Variants in WFIKKN2 observed in about 807,000 individuals in gnomAD.
WFIKKN2 encodes WAP, Kazal, immunoglobulin, Kunitz and NTR domain-containing protein 2.
A neutral mutation model predicts 39.2 loss-of-function variants in WFIKKN2; 25 were observed. The ratio of observed to expected loss-of-function variants is 0.64; its 90% CI spans 0.47 to 0.89. The LOEUF (loss-of-function observed/expected upper bound fraction) is 0.89. Ranked by LOEUF, WFIKKN2 falls within the 40% of genes least tolerant of loss-of-function variation. The probability of loss-of-function intolerance (pLI) is 0.00; values close to 1 mark genes in which losing one functional copy is unlikely to be tolerated. For synonymous variants in WFIKKN2, 345 were observed against 329.7 expected, an observed-to-expected ratio of 1.05 and a Z score of -0.50; for missense variants, 770 against 811.7, an observed-to-expected ratio of 0.95 and a Z score of 0.62.
At chr17:50,838,105 C>T (rs1971982649) in intron 1 of WFIKKN2, among the ~76,000 whole-genome samples, 1 of 152,248 alleles carries the variant, frequency 6.6e-6, no homozygotes, top group East Asian at 1.9e-4. Flanking sequence ...TGGGATGAGG[C>T]TCAGGCCAAG....
chr17:50,840,904 T>C lies in WFIKKN2; in HGVS notation c.1616T>C (p.Met539Thr). 6.2e-7 allele frequency: 1 copy of C among 1,608,084 alleles called. No individual in the cohort carries two copies. The highest frequency in any genetic ancestry group is 8.5e-7 in the Non-Finnish European group (1 of 1,175,654). The change falls in exon 2 of 2, where the codon ATG becomes ACG. Residue 539 changes from methionine (M) to threonine (T), a missense_variant. Transcript: ENST00000311378. ...GGGGAGGTGGACGGCGGCATGGCCA[T>C]GCTGCGCCCCGATAGCTTTGTGGGC... ...IMGEVDGGMAMLRPDSFVGAS... is the reference protein window; with the variant it reads ...IMGEVDGGMATLRPDSFVGAS...
chr17:50,835,774 C>T lies in WFIKKN2; in HGVS notation c.-164C>T, dbSNP rs919603938. The T allele has an allele frequency of 4.2e-6, 3 of 720,090 alleles. No individual in the cohort carries two copies. The highest frequency in any genetic ancestry group is 3.6e-5 in the African/African-American group (2 of 56,016). The allele number at this position is 720,090 out of a possible 1,614,324, so 44.6% of individuals were successfully genotyped here. On this transcript the variant is annotated 5_prime_UTR_variant, in exon 1 of 2. Transcript: ENST00000311378. Reference sequence around the variant, plus strand: ...CGCACAGCCCGGCAGGCTGTGCTGACTTGGTGGAGGCAGCAGCGGCAGAGC... The same window carrying T: ...CGCACAGCCCGGCAGGCTGTGCTGATTTGGTGGAGGCAGCAGCGGCAGAGC...
Position 50,839,908 on chromosome 17 carries a change from T to C in WFIKKN2, c.620T>C (p.Met207Thr). 1 of 1,614,148 alleles carries C rather than the reference T, an allele frequency of 6.2e-7. No homozygotes were observed. Among genetic ancestry groups the C allele is most frequent in the Non-Finnish European group, 8.5e-7 (1 of 1,180,030 alleles). Reference protein sequence around the residue: ...TASPETPELDMAAPALLNNPV... With the variant: ...TASPETPELDTAAPALLNNPV... ...TCCCCAGAGACCCCTGAGCTGGACA[T>C]GGCGGCCCCTGCGCTGCTCAACAAC... The change falls in exon 2 of 2, where the codon ATG becomes ACG. Residue 207 changes from methionine to threonine, a missense_variant. Physicochemically the swap from Met to Thr is moderately conservative, Grantham distance 81. Coordinates refer to ENST00000311378, the MANE Select transcript of WFIKKN2 (RefSeq NM_175575.6).
rs371325202 is a variant in WFIKKN2 at position 50,840,625 on chromosome 17, G to A, written c.1337G>A (p.Arg446Gln). The A allele has an allele frequency of 1.4e-5, 22 of 1,613,878 alleles. No homozygotes were observed. The highest frequency in any genetic ancestry group is 4.0e-5 in the African/African-American group (3 of 74,948). Residue 446 changes from arginine (R) to glutamine (Q), a missense_variant, in exon 2 of 2, where the codon CGG (arginine) becomes CAG (glutamine). Physicochemically the swap from Arg to Gln is conservative, Grantham distance 43. Coordinates refer to ENST00000311378, the MANE Select transcript of WFIKKN2 (RefSeq NM_175575.6). ...TTCCCCAGGGGGAACCAGCGCTGTC[G>A]GGCCTGCAAGCCTCGGCAGAAGCTC... Reference protein sequence around the residue: ...CPFPRGNQRCRACKPRQKLVT... With the variant: ...CPFPRGNQRCQACKPRQKLVT...
At position 50,839,639 on chromosome 17, in the gene WFIKKN2, G is replaced by T; in HGVS notation, c.351G>T (p.Leu117=). The change falls in exon 2 of 2, where the codon CTG becomes CTT. Residue 117 remains leucine (L), a synonymous_variant. Transcript: ENST00000311378. ...KEATCDHFMC[L]QQGSECDIWD... ...CCACATGTGACCACTTCATGTGTCT[G>T]CAGCAGGGCTCTGAGTGTGACATCT... 6.2e-7 allele frequency: 1 copy of T among 1,614,244 alleles called. No homozygotes were observed. The highest frequency in any genetic ancestry group is 8.5e-7 in the Non-Finnish European group (1 of 1,180,042).
chr17:50,838,525 C>T (rs950418754), intron 1 of WFIKKN2, among the ~76,000 whole-genome samples: 1 of 152,176 alleles, frequency 6.6e-6, no homozygotes, highest in African/African-American at 2.4e-5. Context: ...CACGTGAAAT[C>T]CTTGTTTGTG....
At chr17:50,839,382 G>T (rs1971999840) in intron 1 of WFIKKN2, 117 bp from the exon 2 acceptor site, 1 of 935,716 alleles carries the variant, frequency 1.1e-6, no homozygotes, top group Non-Finnish European at 1.6e-6. Flanking sequence ...CAAGTGTTTT[G>T]CTCCCACTAG....
intron 1 of WFIKKN2, among the ~76,000 whole-genome samples, chr17:50,836,543 G>C (rs71371319): frequency 0.48 from 36,594 of 76,752 alleles, 8,730 homozygotes; most frequent in Non-Finnish European, 0.57. Flanking sequence ...CCAGAAGCTG[G>C]AGTGTGAGGC....
Position 50,837,271 on chromosome 17 carries a change from C to A in WFIKKN2, c.210+1124C>A, listed in dbSNP as rs144364458. Among the ~76,000 whole-genome samples, 21 of 152,238 alleles carry A rather than the reference C, an allele frequency of 1.4e-4. No homozygotes were observed. In the East Asian group the frequency reaches 3.7e-3, roughly 27 times the overall value. On this transcript the variant is annotated intron_variant, in intron 1 of 1. Coordinates refer to ENST00000311378, the MANE Select transcript of WFIKKN2 (RefSeq NM_175575.6). The stretch of plus-strand genomic sequence containing the variant: ...AGGCCACCTCCTCAGGAGTTTGGAC[C>A]CTGAGCCTGAGAGAAGACCAGGCTG...
Position 50,840,317 on chromosome 17 carries a change from C to T in WFIKKN2, c.1029C>T (p.Arg343=). The T allele has an allele frequency of 6.2e-7, 1 of 1,614,170 alleles. No individual in the cohort carries two copies. Among genetic ancestry groups the T allele is most frequent in the Non-Finnish European group, 8.5e-7 (1 of 1,180,036 alleles). Residue 343 remains arginine (R), a synonymous_variant, in exon 2 of 2, where the codon CGC becomes CGT. Coordinates refer to ENST00000311378, the MANE Select transcript of WFIKKN2 (RefSeq NM_175575.6). ...AGGACTGTGGCGAAGAGCAGACCCG[C>T]TGGCACTTCGATGCCCAGGCCAACA... ...DSEDCGEEQT[R]WHFDAQANNC... is the part of the protein sequence containing the mutation.
intron 1 of WFIKKN2, among the ~76,000 whole-genome samples, chr17:50,838,965 AG>A (rs1351385317): frequency 2.6e-5 from 4 of 152,342 alleles, no homozygotes; most frequent in Non-Finnish European, 5.9e-5. Flanking sequence ...AAGAGATGAA[AG>A]GCAGGCCTAC....
In WFIKKN2 at chr17:50,841,269, G is replaced by A. The variant is rs1746503508; in HGVS notation, c.*250G>A. On this transcript the variant is annotated 3_prime_UTR_variant, in exon 2 of 2. Transcript: ENST00000311378. ...CAGTGGACACATGGAAGTTACTCGT[G>A]ACCACCAGCTTGCTCAGATATTCTC... The A allele has an allele frequency of 2.5e-6, 1 of 395,258 alleles. No individual in the cohort carries two copies. The highest frequency in any genetic ancestry group is 4.5e-6 in the Non-Finnish European group (1 of 221,826). The allele number at this position is 395,258 out of a possible 1,614,324, so 24.5% of individuals were successfully genotyped here. A position where few individuals can be genotyped will look rare whatever the true frequency, so the allele number is the denominator to read the frequency against.
At chr17:50,837,449 C>T (rs892210183) in intron 1 of WFIKKN2, among the ~76,000 whole-genome samples, 8 of 152,170 alleles carry the variant, frequency 5.3e-5, no homozygotes, top group Non-Finnish European at 8.8e-5. Flanking sequence ...TTCTAGCTCC[C>T]GAGTCATTCC....
upstream of WFIKKN2, chr17:50,835,433 C>T (rs765786327): frequency 6.5e-6 from 1 of 154,184 alleles, no homozygotes; most frequent in Non-Finnish European, 1.4e-5. Context: ...CCGCAAAGCA[C>T]ATGCCATTTC....
In WFIKKN2 at chr17:50,839,941, A is replaced by G. The variant is rs754553708; in HGVS notation, c.653A>G (p.His218Arg). 46 of 1,614,010 alleles carry G rather than the reference A, an allele frequency of 2.9e-5. No individual in the cohort carries two copies. The highest frequency in any genetic ancestry group is 3.8e-5 in the Non-Finnish European group (45 of 1,180,002). Residue 218 changes from histidine to arginine, a missense_variant, in exon 2 of 2, where the codon CAC (histidine) becomes CGC (arginine). By Grantham distance (29) the His-to-Arg change is conservative (BLOSUM62 0). Coordinates refer to ENST00000311378, the MANE Select transcript of WFIKKN2 (RefSeq NM_175575.6). The part of the protein sequence containing the change: ...AAPALLNNPV[H>R]QSVTMGETVS... ...CCTGCGCTGCTCAACAACCCTGTGC[A>G]CCAGTCGGTCACCATGGGTGAGACA...
Position 50,839,702 on chromosome 17 carries a change from T to A in WFIKKN2, c.414T>A (p.Cys138Ter). ...CCGTGTGTAAGTGCAAAGACCGCTG[T>A]GAGAAGGAGCCCAGCTTTACCTGCG... ...GQPVCKCKDRCEKEPSFTCAS... is the reference protein window; with the variant it reads ...GQPVCKCKDR Residue 138 changes from cysteine (C) to a stop codon, truncating the protein, a stop_gained, in exon 2 of 2, where the codon TGT becomes TGA. Coordinates refer to ENST00000311378, the MANE Select transcript of WFIKKN2 (RefSeq NM_175575.6). LOFTEE classifies it high-confidence loss of function. 6.2e-7 allele frequency: 1 copy of A among 1,614,198 alleles called. No individual in the cohort carries two copies. Among genetic ancestry groups the A allele is most frequent in the Non-Finnish European group, 8.5e-7 (1 of 1,180,036 alleles).
At chr17:50,839,010 T>C (rs1423317259) in intron 1 of WFIKKN2, among the ~76,000 whole-genome samples, 1 of 152,194 alleles carries the variant, frequency 6.6e-6, no homozygotes, top group Non-Finnish European at 1.5e-5. Context: ...TGCTATATGA[T>C]GCAGGAGAAA....
rs1017487641 is a variant in WFIKKN2 at position 50,842,325 on chromosome 17, C to A, written c.*1306C>A. On this transcript the variant is annotated 3_prime_UTR_variant, in exon 2 of 2. Coordinates refer to ENST00000311378, the MANE Select transcript of WFIKKN2 (RefSeq NM_175575.6). ...TTCCTCAAATATAAGGAGGAAGATA[C>A]CAATTAAAAGCTCATAGTATCAACT... 4 of 151,938 alleles carry A rather than the reference C, an allele frequency of 2.6e-5. No homozygotes were observed. Among genetic ancestry groups the A allele is most frequent in the African/African-American group, 9.7e-5 (4 of 41,318 alleles). The allele number at this position is 151,938 out of a possible 1,614,324, so 9.4% of individuals were successfully genotyped here. A position where few individuals can be genotyped will look rare whatever the true frequency, so the allele number is the denominator to read the frequency against.
intron 1 of WFIKKN2, among the ~76,000 whole-genome samples, chr17:50,836,904 G>A (rs56278336): frequency 0.09 from 13,730 of 152,272 alleles, 1,270 homozygotes; most frequent in African/African-American, 0.22. Context: ...CTAGGAAGGT[G>A]AAGGAACACA....
Sources: allele counts gnomAD v4.1 joint callset (sites outside exome capture counted in the v4.1 genomes callset), GRCh38; gene constraint gnomAD v4.1.1; transcripts MANE v1.5; gene names NCBI Gene and HGNC (gene_info 2026-07-23, HGNC 2026-07-21).